TENM3: variants seen among roughly 807,000 people sequenced by gnomAD.
TENM3 encodes teneurin transmembrane protein 3.
In TENM3, 63 loss-of-function variants were observed where a neutral mutation model predicts 255.1. That is an observed-to-expected ratio of 0.25 (90% CI 0.20 to 0.30). The LOEUF (loss-of-function observed/expected upper bound fraction) is 0.30. Among genes scored for constraint, TENM3 ranks in the 10% least tolerant of loss-of-function variants. The pLI, the probability that TENM3 is intolerant of heterozygous loss-of-function variation, is 1.00. For missense variants in TENM3, 2,929 were observed against 3,461.1 expected, an observed-to-expected ratio of 0.85 and a Z score of 3.86; for synonymous variants, 1,306 against 1,322.3, an observed-to-expected ratio of 0.99 and a Z score of 0.27.
the TENM3 span, among the ~76,000 whole-genome samples, chr4:181,892,330 C>T: frequency 2.0e-5 from 3 of 152,190 alleles, no homozygotes; most frequent in African/African-American, 7.2e-5. Context: ...CCGTGTCATA[C>T]TATGGTTACT....
chr4:182,531,832 A>G (rs1580849246), intron 3 of TENM3, among the ~76,000 whole-genome samples: 1 of 152,200 alleles, frequency 6.6e-6, no homozygotes. Context: ...CACAGAAGGA[A>G]AGCGGATTCA....
In TENM3 at chr4:182,792,592, G is replaced by C. The variant is rs1210008614; in HGVS notation, c.5920G>C (p.Ala1974Pro). 4 of 1,613,896 alleles carry C rather than the reference G, an allele frequency of 2.5e-6. No homozygotes were observed. Among genetic ancestry groups the C allele is most frequent in the Admixed American group, 1.7e-5 (1 of 60,008 alleles). The change falls in exon 26 of 28, where the codon GCA (alanine) becomes CCA (proline). Residue 1974 changes from alanine to proline, a missense_variant. Physicochemically the swap from Ala to Pro is conservative, Grantham distance 27. Transcript: ENST00000511685. The surrounding 1 kb of genome is among the most constrained non-coding windows in gnomAD (Gnocchi z 6.3). Reference sequence around the variant, plus strand: ...AGTCAGTTTTACCTATGATGAAACAGCAGGAGTCCTAAAGACAGTAAACCT... The same window carrying C: ...AGTCAGTTTTACCTATGATGAAACACCAGGAGTCCTAAAGACAGTAAACCT... ...TRVSFTYDET[A>P]GVLKTVNLQS...
the TENM3 span, among the ~76,000 whole-genome samples, chr4:181,476,325 A>C: frequency 6.6e-6 from 1 of 151,820 alleles, no homozygotes; most frequent in African/African-American, 2.4e-5. Context: ...TGCAGCAACA[A>C]CTCATTCTTG....
At chr4:181,688,809 T>C in the TENM3 span, among the ~76,000 whole-genome samples, 2 of 152,310 alleles carry the variant, frequency 1.3e-5, no homozygotes, top group African/African-American at 4.8e-5. Flanking sequence ...AGCAAGATGA[T>C]ACCAGACAAC....
chr4:181,726,863 A>T, the TENM3 span, among the ~76,000 whole-genome samples: 1 of 152,196 alleles, frequency 6.6e-6, no homozygotes, highest in East Asian at 1.9e-4. Flanking sequence ...CTAAAATTGC[A>T]TTTCCCAGAC....
chr4:182,607,141 T>A (rs1273480294), intron 4 of TENM3, among the ~76,000 whole-genome samples: 1 of 152,244 alleles, frequency 6.6e-6, no homozygotes, highest in Admixed American at 6.5e-5. Flanking sequence ...GTTCCGTAAA[T>A]GTTTTTAAAA....
At chr4:181,934,626 A>G in the TENM3 span, among the ~76,000 whole-genome samples, 1 of 152,320 alleles carries the variant, frequency 6.6e-6, no homozygotes, top group East Asian at 1.9e-4. Context: ...AAGGATTTTT[A>G]GCATAACTTC....
chr4:181,678,198 C>T, the TENM3 span, among the ~76,000 whole-genome samples: 1 of 152,058 alleles, frequency 6.6e-6, no homozygotes, highest in Non-Finnish European at 1.5e-5. Context: ...CACTGAACAC[C>T]ACAAAAATAT....
rs184376238 is a variant in TENM3, at chr4:182,278,354, C to T, written c.-76+34878C>T. Among the ~76,000 whole-genome samples the T allele has an allele frequency of 1.1e-4, 16 of 150,976 alleles. No homozygotes were observed. In the East Asian group the frequency reaches 2.3e-3, roughly 22 times the overall value. ...TGCACTCCAGCCTGGGCAACAAGAG[C>T]GAAATTCCATCTCAAAAACAAAAAA... On this transcript the variant is annotated intron_variant, in intron 1 of 27. Coordinates refer to ENST00000511685, the MANE Select transcript of TENM3 (RefSeq NM_001080477.4).
At chr4:182,163,103 C>G (rs11132115) in intron 1 of TENM3, among the ~76,000 whole-genome samples, 1 of 152,040 alleles carries the variant, frequency 6.6e-6, no homozygotes, top group East Asian at 1.9e-4. Context: ...TCAGTCATTA[C>G]GTCCTGCTCA....
At chr4:181,964,443 G>C in the TENM3 span, among the ~76,000 whole-genome samples, 1 of 152,122 alleles carries the variant, frequency 6.6e-6, no homozygotes, top group Admixed American at 6.5e-5. Flanking sequence ...CGTTCTGTTT[G>C]AAGAAAAGCC....
At chr4:182,795,605 A>T (rs549443504) in intron 26 of TENM3, among the ~76,000 whole-genome samples, 1 of 152,170 alleles carries the variant, frequency 6.6e-6, no homozygotes, top group Non-Finnish European at 1.5e-5. Context: ...TAGAGAAGGA[A>T]ATGGGAATCA....
the TENM3 span, among the ~76,000 whole-genome samples, chr4:181,733,902 T>C: frequency 1.3e-5 from 2 of 152,210 alleles, no homozygotes; most frequent in African/African-American, 4.8e-5. Flanking sequence ...ACTAATATGC[T>C]GTGACTCAAA....
the TENM3 span, among the ~76,000 whole-genome samples, chr4:181,668,020 C>T: frequency 4.6e-5 from 7 of 152,218 alleles, no homozygotes; most frequent in Admixed American, 1.3e-4. Flanking sequence ...TGTGTGTATG[C>T]GCTAGAACAT....
At chr4:182,008,397 T>G in the TENM3 span, among the ~76,000 whole-genome samples, 1 of 152,128 alleles carries the variant, frequency 6.6e-6, no homozygotes, top group South Asian at 2.1e-4. Flanking sequence ...GATCTTTTTA[T>G]GAAGTCCCAT....
the TENM3 span, among the ~76,000 whole-genome samples, chr4:181,674,581 A>T: frequency 0.079 from 12,034 of 152,176 alleles, 1,292 homozygotes; most frequent in African/African-American, 0.25. Context: ...AATTACTTGA[A>T]TATGCAACTT....
At chr4:182,082,811 G>A in the TENM3 span, among the ~76,000 whole-genome samples, 1 of 152,188 alleles carries the variant, frequency 6.6e-6, no homozygotes, top group Admixed American at 6.5e-5. Context: ...CTATGAATAT[G>A]TAGTACGCAA....
At chr4:181,605,552 A>AAGAGAGAG in the TENM3 span, among the ~76,000 whole-genome samples, 8 of 29,464 alleles carry the variant, frequency 2.7e-4, 1 homozygote, top group South Asian at 1.7e-3. Flanking sequence ...GAAAGAAAGA[A>AAGAGAGAG]AGAAAGAAAG....
the TENM3 span, among the ~76,000 whole-genome samples, chr4:181,606,460 G>A: frequency 6.6e-6 from 1 of 152,116 alleles, no homozygotes; most frequent in Non-Finnish European, 1.5e-5. Flanking sequence ...GACAATGCTT[G>A]GTTCTCAGTT....
Sources: gnomAD v4.1 joint callset for allele counts (sites outside exome capture counted in the v4.1 genomes callset) on GRCh38, gnomAD v4.1.1 for gene constraint, Gnocchi (gnomAD v3.1) non-coding constraint, MANE v1.5 for transcripts, NCBI Gene and HGNC (gene_info 2026-07-23, HGNC 2026-07-21) for gene names.